Variants in SRBD1 observed in about 807,000 individuals in gnomAD.
SRBD1 encodes the protein S1 RNA-binding domain-containing protein 1.
A neutral mutation model predicts 115.3 loss-of-function variants in SRBD1; 88 were observed. The observed-to-expected ratio is 0.76, with a 90% confidence interval of 0.64 to 0.91. The LOEUF is 0.91. Ranked by LOEUF, SRBD1 falls within the 40% of genes least tolerant of loss-of-function variation. The pLI is 0.00. For missense variants in SRBD1, 1,385 were observed against 1,177.4 expected, an observed-to-expected ratio of 1.18 and a Z score of -2.58; for synonymous variants, 509 against 407.7, an observed-to-expected ratio of 1.25 and a Z score of -2.99.
intron 4 of SRBD1, among the ~76,000 whole-genome samples, chr2:45,590,240 G>A (rs1370698399): frequency 6.6e-6 from 1 of 152,234 alleles, no homozygotes; most frequent in African/African-American, 2.4e-5. Context: ...CCTCCAAGCT[G>A]TCCTTGTCCA....
At chr2:45,531,842 G>C (rs148953336) in intron 14 of SRBD1, among the ~76,000 whole-genome samples, 33 of 151,850 alleles carry the variant, frequency 2.2e-4, no homozygotes, top group African/African-American at 7.5e-4. Flanking sequence ...CCACTTTACA[G>C]CTTCTTCTCA....
chr2:45,461,451 C>T (rs1669313960), intron 16 of SRBD1, among the ~76,000 whole-genome samples: 1 of 152,120 alleles, frequency 6.6e-6, no homozygotes, highest in African/African-American at 2.4e-5. Flanking sequence ...GGATATGGCT[C>T]CACTCCAAGG....
At chr2:45,519,307 G>A (rs755311693) in intron 14 of SRBD1, among the ~76,000 whole-genome samples, 8 of 152,028 alleles carry the variant, frequency 5.3e-5, no homozygotes, top group African/African-American at 1.9e-4. Context: ...ACAACATGGG[G>A]ACCCCACTGG....
intron 19 of SRBD1, among the ~76,000 whole-genome samples, chr2:45,405,259 G>C (rs1667399022): frequency 6.6e-6 from 1 of 152,140 alleles, no homozygotes; most frequent in Admixed American, 6.6e-5. Flanking sequence ...GAAAGATTCT[G>C]TCAGTTCTAG....
At chr2:45,447,493 C>A (rs1668862382) in intron 16 of SRBD1, 1 of 152,038 alleles carries the variant, frequency 6.6e-6, no homozygotes, top group Admixed American at 6.6e-5. Flanking sequence ...CTAAATGGGT[C>A]AGATACAAAG....
At chr2:45,436,593 T>C (rs1480000587) in intron 16 of SRBD1, among the ~76,000 whole-genome samples, 1 of 152,182 alleles carries the variant, frequency 6.6e-6, no homozygotes, top group East Asian at 1.9e-4. Context: ...CAGGCATGAC[T>C]TACATGGTGG....
At chr2:45,467,268 C>T (rs1253728346) in intron 16 of SRBD1, among the ~76,000 whole-genome samples, 1 of 152,188 alleles carries the variant, frequency 6.6e-6, no homozygotes, top group African/African-American at 2.4e-5. Flanking sequence ...GCATGTGGGG[C>T]CCACCCCCAG....
intron 16 of SRBD1, among the ~76,000 whole-genome samples, chr2:45,448,607 T>A (rs1486683654): frequency 6.6e-6 from 1 of 152,176 alleles, no homozygotes; most frequent in Non-Finnish European, 1.5e-5. Flanking sequence ...CCTAACGACC[T>A]TCAAATTTAC....
At chr2:45,422,300 C>A (rs1668029679) in intron 16 of SRBD1, among the ~76,000 whole-genome samples, 1 of 152,134 alleles carries the variant, frequency 6.6e-6, no homozygotes. Context: ...CCTTCTCCTC[C>A]TTTCAAACAG....
intron 16 of SRBD1, among the ~76,000 whole-genome samples, chr2:45,427,174 T>C (rs1668179362): frequency 7.1e-6 from 1 of 141,092 alleles, no homozygotes; most frequent in Non-Finnish European, 1.5e-5. Context: ...CTAACCAGTT[T>C]AGAGAAGAAC....
At chr2:45,495,633 C>T (rs62127153) in intron 14 of SRBD1, among the ~76,000 whole-genome samples, 4 of 152,052 alleles carry the variant, frequency 2.6e-5, no homozygotes, top group Non-Finnish European at 4.4e-5. Context: ...AAAAAACTGC[C>T]ACAGGACCAA....
At chr2:45,569,689 A>G (rs1672950712) in intron 9 of SRBD1, among the ~76,000 whole-genome samples, 1 of 152,202 alleles carries the variant, frequency 6.6e-6, no homozygotes, top group Non-Finnish European at 1.5e-5. Context: ...CCTTTCTCAA[A>G]AAACTATAAA....
chr2:45,481,651 T>A (rs1396361351), intron 15 of SRBD1, among the ~76,000 whole-genome samples: 1 of 152,104 alleles, frequency 6.6e-6, no homozygotes, highest in African/African-American at 2.4e-5. Context: ...TATGTCCATA[T>A]AAAATCTTAT....
rs534304368 is a variant in SRBD1, at chr2:45,472,685, T to C, written c.2049+4308A>G. On this transcript the variant is annotated intron_variant, in intron 16 of 20. Coordinates refer to ENST00000263736, the MANE Select transcript of SRBD1 (RefSeq NM_018079.5). ...AAATGTATATATTAATATGGTATGGTCTACTAAGACTCCTGCAAAAACAGT... is the reference window on the plus strand; with the variant it reads ...AAATGTATATATTAATATGGTATGGCCTACTAAGACTCCTGCAAAAACAGT... Among the ~76,000 whole-genome samples the C allele has an allele frequency of 1.3e-4, 20 of 152,328 alleles. No homozygotes were observed. In the South Asian group the frequency reaches 4.1e-3, roughly 32 times the overall value.
chr2:45,469,218 A>G (rs79656952), intron 16 of SRBD1, among the ~76,000 whole-genome samples: 4,390 of 152,234 alleles, frequency 0.029, 212 homozygotes, highest in African/African-American at 0.1. Context: ...AGAATTTACT[A>G]ATCTTTTCTT....
chr2:45,420,145 C>T (rs1051050480), intron 16 of SRBD1, among the ~76,000 whole-genome samples: 24 of 152,168 alleles, frequency 1.6e-4, no homozygotes, highest in African/African-American at 5.1e-4. Flanking sequence ...AAATTGTGCC[C>T]AGAGCAGTGG....
chr2:45,552,257 C>T (rs1279194329), intron 11 of SRBD1, among the ~76,000 whole-genome samples: 1 of 152,184 alleles, frequency 6.6e-6, no homozygotes, highest in Non-Finnish European at 1.5e-5. Context: ...AACTGCTATT[C>T]AGGTTAAGTA....
chr2:45,397,842 AC>A (rs1667189712), intron 19 of SRBD1, among the ~76,000 whole-genome samples: 1 of 152,126 alleles, frequency 6.6e-6, no homozygotes, highest in Non-Finnish European at 1.5e-5. Flanking sequence ...CAAGAGATCC[AC>A]CCACCTTGGC....
intron 5 of SRBD1, among the ~76,000 whole-genome samples, chr2:45,585,310 G>A (rs778350790): frequency 9.2e-5 from 14 of 152,148 alleles, no homozygotes; most frequent in Non-Finnish European, 8.8e-5. Context: ...GTTTCCTGCT[G>A]GCAGTCCTAA....
Sources: allele counts gnomAD v4.1 joint callset (sites outside exome capture counted in the v4.1 genomes callset), GRCh38; gene constraint gnomAD v4.1.1; transcripts MANE v1.5; gene names NCBI Gene and HGNC (gene_info 2026-07-23, HGNC 2026-07-21).